PLB1: variants seen among roughly 807,000 people sequenced by gnomAD.
The protein encoded by PLB1 is phospholipase B1, membrane-associated.
A neutral mutation model predicts 227.4 loss-of-function variants in PLB1; 242 were observed. That is an observed-to-expected ratio of 1.06 (90% CI 0.96 to 1.18). The LOEUF (loss-of-function observed/expected upper bound fraction) is 1.18. PLB1 is among the 50% of genes most tolerant of loss of function. The pLI is 0.00. For synonymous variants in PLB1, 757 were observed against 682.2 expected, an observed-to-expected ratio of 1.11 and a Z score of -1.71; for missense variants, 1,858 against 1,816.3, an observed-to-expected ratio of 1.02 and a Z score of -0.42.
intron 6 of PLB1, among the ~76,000 whole-genome samples, chr2:28,528,806 C>T (rs1220348408): frequency 6.6e-6 from 1 of 152,154 alleles, no homozygotes; most frequent in Admixed American, 6.5e-5. Context: ...TTCCAGAGGC[C>T]TGCTCCAGAG....
At chr2:28,516,949 T>C in intron 2 of PLB1, 80 bp downstream of exon 2, 14 of 1,432,920 alleles carry the variant, frequency 9.8e-6, no homozygotes, top group Non-Finnish European at 1.4e-5. Flanking sequence ...AAACCCAAGT[T>C]TTGGTGCAAG....
At chr2:28,633,682 C>T (rs1425929595) in intron 56 of PLB1, among the ~76,000 whole-genome samples, 2 of 152,258 alleles carry the variant, frequency 1.3e-5, no homozygotes, top group Non-Finnish European at 2.9e-5. Context: ...GGACACCTGC[C>T]TGGTGCTTCC....
chr2:28,629,833 C>A (rs529506106), intron 53 of PLB1, among the ~76,000 whole-genome samples: 1 of 152,272 alleles, frequency 6.6e-6, no homozygotes, highest in African/African-American at 2.4e-5. Flanking sequence ...AGCTCTTGAA[C>A]CCTGGTAGGA....
At chr2:28,514,020 A>C (rs1381231408) in intron 1 of PLB1, among the ~76,000 whole-genome samples, 1 of 152,246 alleles carries the variant, frequency 6.6e-6, no homozygotes, top group African/African-American at 2.4e-5. Context: ...GCACTGGGTT[A>C]GATCTTCTGC....
In PLB1 at chr2:28,573,288, G is replaced by A; in HGVS notation, c.1416G>A (p.Val472=). ...TSPNAFLNQA[V]AGGRAEDLPV... is the part of the protein sequence containing the mutation. ...CTAATGCCTTCTTAAACCAGGCTGT[G>A]GCAGGAGGCCGAGCTGAGTAAGCAG... Residue 472 remains valine, a synonymous_variant, in exon 21 of 58, where the codon GTG becomes GTA. Coordinates refer to ENST00000327757, the MANE Select transcript of PLB1 (RefSeq NM_153021.5). 1 of 1,613,718 alleles carries A rather than the reference G, an allele frequency of 6.2e-7. No individual in the cohort carries two copies. Among genetic ancestry groups the A allele is most frequent in the African/African-American group, 1.3e-5 (1 of 75,048 alleles).
intron 1 of PLB1, among the ~76,000 whole-genome samples, chr2:28,500,656 T>C (rs571600448): frequency 6.6e-6 from 1 of 152,154 alleles, no homozygotes; most frequent in East Asian, 1.9e-4. Context: ...CTTTTTCATA[T>C]GAAATTCATC....
chr2:28,558,695 GTGTGTGTGTA>G (rs1675547806), intron 17 of PLB1, among the ~76,000 whole-genome samples: 1 of 141,358 alleles, frequency 7.1e-6, no homozygotes, highest in South Asian at 2.2e-4. Context: ...TGTGTTCATG[GTGTGTGTGTA>G]TGTGTGTGTG....
chr2:28,549,358 G>T (rs190694493), intron 15 of PLB1, among the ~76,000 whole-genome samples: 2 of 143,388 alleles, frequency 1.4e-5, no homozygotes, highest in Admixed American at 6.9e-5. Context: ...TATAATTAAT[G>T]TTTCCAAATA....
intron 8 of PLB1, among the ~76,000 whole-genome samples, chr2:28,531,447 G>T (rs1388454935): frequency 6.6e-6 from 1 of 152,162 alleles, no homozygotes; most frequent in African/African-American, 2.4e-5. Flanking sequence ...AAGTAGCTGG[G>T]ATTACAGGCA....
chr2:28,541,158 C>A (rs978633352), intron 12 of PLB1, among the ~76,000 whole-genome samples: 1 of 144,730 alleles, frequency 6.9e-6, no homozygotes, highest in Non-Finnish European at 1.5e-5. Context: ...GGCAAGACAG[C>A]GAGACTCCGT....
At chr2:28,509,829 C>T (rs1188130613) in intron 1 of PLB1, among the ~76,000 whole-genome samples, 1 of 152,178 alleles carries the variant, frequency 6.6e-6, no homozygotes, top group Non-Finnish European at 1.5e-5. Flanking sequence ...TCAATAATTT[C>T]TTCCACAGCA....
chr2:28,643,039 G>C lies in PLB1; in HGVS notation c.4355G>C (p.Ser1452Thr). Residue 1452 changes from serine (S) to threonine (T), a missense_variant, in exon 58 of 58, where the codon AGC becomes ACC. Coordinates refer to ENST00000327757, the MANE Select transcript of PLB1 (RefSeq NM_153021.5). ...RGGRREDPPM[S>T]LRTVAL The stretch of plus-strand genomic sequence containing the variant: ...GGCCGGAGGGAAGATCCTCCAATGA[G>C]CCTGCGCACTGTGGCCCTCTAGGCC... 2 of 1,607,558 alleles carry C rather than the reference G, an allele frequency of 1.2e-6. No individual in the cohort carries two copies. Among genetic ancestry groups the C allele is most frequent in the Non-Finnish European group, 1.7e-6 (2 of 1,177,304 alleles).
At chr2:28,609,087 G>A (rs1685086172) in intron 43 of PLB1, among the ~76,000 whole-genome samples, 1 of 151,906 alleles carries the variant, frequency 6.6e-6, no homozygotes, top group African/African-American at 2.4e-5. Context: ...AGCTAATTTT[G>A]GTTTATTTGT....
At chr2:28,546,209 C>T (rs1673239083) in intron 14 of PLB1, among the ~76,000 whole-genome samples, 2 of 152,188 alleles carry the variant, frequency 1.3e-5, no homozygotes, top group African/African-American at 4.8e-5. Flanking sequence ...ATTCCCTAGG[C>T]CCTTTCTGCT....
In PLB1 at chr2:28,605,859, C is replaced by T. The variant is rs779930883; in HGVS notation, c.2968C>T (p.Leu990Phe). The T allele has an allele frequency of 4.3e-6, 7 of 1,612,586 alleles. No individual in the cohort carries two copies. Among genetic ancestry groups the T allele is most frequent in the African/African-American group, 2.7e-5 (2 of 74,846 alleles). ...GTATATTGGTCTCTTTCAGGATGGG[C>T]TCCCAGATACGTCCTTCTTTGCCCC... is the stretch of plus-strand genomic sequence containing the variant. ...NIQLPVLADG[L>F]PDTSFFAPDC... Residue 990 changes from leucine (L) to phenylalanine (F), a missense_variant, in exon 42 of 58, where the codon CTC becomes TTC. Transcript: ENST00000327757.
chr2:28,508,899 G>A (rs888222525), intron 1 of PLB1, among the ~76,000 whole-genome samples: 13 of 152,218 alleles, frequency 8.5e-5, no homozygotes, highest in Non-Finnish European at 1.6e-4. Flanking sequence ...TGCCACATGA[G>A]TTGGCCTTGA....
rs561199404 is a variant in PLB1, at chr2:28,620,357, C to T, written c.3383+25C>T. ...GGTGAGGATGTTCTTGATGCATGCTCTATTGATGATGCTCTCTCAGAGAGG... is the reference window on the plus strand; with the variant it reads ...GGTGAGGATGTTCTTGATGCATGCTTTATTGATGATGCTCTCTCAGAGAGG... On this transcript the variant is annotated intron_variant, in intron 47 of 57. Coordinates refer to ENST00000327757, the MANE Select transcript of PLB1 (RefSeq NM_153021.5). 8 of 1,567,072 alleles carry T rather than the reference C, an allele frequency of 5.1e-6. No homozygotes were observed. The South Asian group carries it at 6.9e-5, about 14-fold the overall frequency.
chr2:28,634,436 C>T (rs1228876709), intron 56 of PLB1, among the ~76,000 whole-genome samples: 4 of 152,152 alleles, frequency 2.6e-5, no homozygotes, highest in Non-Finnish European at 2.9e-5. Flanking sequence ...TCAGGGGATT[C>T]CACAGATGCC....
At chr2:28,526,136 G>T (rs1225165127) in intron 6 of PLB1, among the ~76,000 whole-genome samples, 191 bp downstream of exon 6, 1 of 152,178 alleles carries the variant, frequency 6.6e-6, no homozygotes, top group East Asian at 1.9e-4. Context: ...GAATGGGGGT[G>T]TGCGAAATGT....
Sources: allele counts gnomAD v4.1 joint callset (sites outside exome capture counted in the v4.1 genomes callset), GRCh38; gene constraint gnomAD v4.1.1; transcripts MANE v1.5; gene names NCBI Gene and HGNC (gene_info 2026-07-23, HGNC 2026-07-21).